SYNJ2: variants seen among roughly 807,000 people sequenced by gnomAD.
SYNJ2 encodes synaptojanin 2.
Under a neutral mutation model 141.3 loss-of-function variants are expected in SYNJ2, and 116 were observed. That is an observed-to-expected ratio of 0.82 (90% CI 0.71 to 0.96). The LOEUF is 0.96. SYNJ2 is among the 40% of genes least tolerant of loss of function. The pLI is 0.00. For synonymous variants in SYNJ2, 745 were observed against 777.7 expected (o/e 0.96, Z 0.70); for missense variants, 1,873 against 1,934.8 (o/e 0.97, Z 0.60).
At chr6:158,076,810 C>G (rs371005422) in intron 17 of SYNJ2, 28 bp downstream of exon 17, 1 of 1,586,884 alleles carries the variant, frequency 6.3e-7, no homozygotes, top group East Asian at 2.3e-5. Flanking sequence ...GTTCGAGAGT[C>G]GGCAGAGGGT....
chr6:158,066,686 C>A (rs1216888139), intron 12 of SYNJ2, 51 bp downstream of exon 12: 2 of 1,589,630 alleles, frequency 1.3e-6, no homozygotes, highest in African/African-American at 1.4e-5. Flanking sequence ...CCTAACCTGA[C>A]ATGTCACGCT....
intron 1 of SYNJ2, among the ~76,000 whole-genome samples, chr6:157,991,968 C>G (rs1234305906): frequency 5.9e-5 from 9 of 152,196 alleles, no homozygotes; most frequent in East Asian, 3.9e-4. Flanking sequence ...TTGTTAAAAG[C>G]CATGACTTTT....
intron 7 of SYNJ2, 157 bp downstream of exon 7, chr6:158,059,510 A>C (rs559360180): frequency 7.0e-7 from 1 of 1,427,122 alleles, no homozygotes; most frequent in East Asian, 2.6e-5. Flanking sequence ...TGAACACGGC[A>C]GTGCTCAGTG....
intron 20 of SYNJ2, 125 bp downstream of exon 20, chr6:158,081,635 TC>T (rs1178437637): frequency 0.02 from 3,784 of 193,908 alleles, 462 homozygotes; most frequent in Middle Eastern, 0.046. Context: ...TTTTTTTTTT[TC>T]TCTGAGACAA....
At chr6:158,064,796 C>T (rs375754015) in intron 10 of SYNJ2, 30 bp from the exon 11 acceptor site, 24 of 1,610,626 alleles carry the variant, frequency 1.5e-5, no homozygotes, top group African/African-American at 4.0e-5. Context: ...AGGGACCCCC[C>T]TCACGGCCTG....
intron 26 of SYNJ2, among the ~76,000 whole-genome samples, chr6:158,094,257 G>C (rs993828400): frequency 6.6e-6 from 1 of 151,784 alleles, no homozygotes; most frequent in Non-Finnish European, 1.5e-5. Flanking sequence ...ACTTAAAATG[G>C]GGTTACATCC....
intron 8 of SYNJ2, 116 bp downstream of exon 8, chr6:158,062,280 T>C (rs1781273594): frequency 2.7e-6 from 4 of 1,491,922 alleles, no homozygotes; most frequent in South Asian, 1.4e-5. Flanking sequence ...GGCCGTGCAG[T>C]CTAGGACATG....
At chr6:157,983,719 G>A (rs1777094481) in intron 1 of SYNJ2, among the ~76,000 whole-genome samples, 2 of 152,120 alleles carry the variant, frequency 1.3e-5, no homozygotes, top group Non-Finnish European at 2.9e-5. Flanking sequence ...CAGTATACCA[G>A]ATTTTAGAAC....
intron 4 of SYNJ2, among the ~76,000 whole-genome samples, chr6:158,039,856 C>T (rs919881154): frequency 1.3e-5 from 2 of 152,070 alleles, no homozygotes; most frequent in Admixed American, 6.5e-5. Flanking sequence ...TGGTGCCGCC[C>T]GCAGGTCACA....
Position 157,993,804 on chromosome 6 carries a change from T to G in SYNJ2, c.127+11716T>G, listed in dbSNP as rs1408081636. Among the ~76,000 whole-genome samples the G allele has an allele frequency of 4.3e-3, 146 of 34,056 alleles. 3 individuals carry two copies. Among genetic ancestry groups the G allele is most frequent in the African/African-American group, 0.036 (135 of 3,750 alleles). The allele number at this position is 34,056 out of a possible 152,430, so 22.3% of individuals were successfully genotyped here. Reference sequence around the variant, plus strand: ...GTGTCTGGAAATGTGTGGGTTTTTTTTTTTTTTTTTTTTTTTTTTTTTTTT... The same window carrying G: ...GTGTCTGGAAATGTGTGGGTTTTTTGTTTTTTTTTTTTTTTTTTTTTTTTT... On this transcript the variant is annotated intron_variant, in intron 1 of 26. Transcript: ENST00000355585.
rs748177084 is a variant in SYNJ2 at position 158,096,387 on chromosome 6, G to C, written c.*23G>C. 4.7e-5 allele frequency: 74 copies of C among 1,564,966 alleles called. No individual in the cohort carries two copies. The highest frequency in any genetic ancestry group is 5.9e-5 in the Non-Finnish European group (68 of 1,160,392). ...TGACTGAGCAGCTTTGAAGGCTGCA[G>C]TCCTATAGAATGCATACCTTCCTCC... is the stretch of plus-strand genomic sequence containing the variant. On this transcript the variant is annotated 3_prime_UTR_variant, in exon 27 of 27. Coordinates refer to ENST00000355585, the MANE Select transcript of SYNJ2 (RefSeq NM_003898.4).
intron 4 of SYNJ2, among the ~76,000 whole-genome samples, chr6:158,035,810 T>C (rs1440637812): frequency 1.3e-5 from 2 of 152,024 alleles, no homozygotes; most frequent in African/African-American, 4.8e-5. Context: ...AGTTTGAGGA[T>C]TGTGGATCTA....
rs116227330 is a variant in SYNJ2 at position 158,065,057 on chromosome 6, G to A, written c.1525+66G>A. On this transcript the variant is annotated intron_variant, in intron 11 of 26. Coordinates refer to ENST00000355585, the MANE Select transcript of SYNJ2 (RefSeq NM_003898.4). ...TGCTCCCCAGCCCCACTTTCCCACC[G>A]CCTCTGTGCTATCCAGAGAGCGGGT... is the stretch of plus-strand genomic sequence containing the variant. 5.7e-4 allele frequency: 827 copies of A among 1,460,448 alleles called. 4 individuals are homozygous for A. The African/African-American group carries it at 0.01, about 18-fold the overall frequency. The allele number at this position is 1,460,448 out of a possible 1,614,324, so 90.5% of individuals were successfully genotyped here.
At chr6:157,991,361 G>A (rs998621835) in intron 1 of SYNJ2, among the ~76,000 whole-genome samples, 5 of 152,146 alleles carry the variant, frequency 3.3e-5, no homozygotes, top group Admixed American at 1.3e-4. Context: ...GTTCTGCCTC[G>A]TTGGCTCTGG....
At chr6:158,065,034 C>T (rs201427404) in intron 11 of SYNJ2, 43 bp downstream of exon 11, 3 of 1,475,960 alleles carry the variant, frequency 2.0e-6, no homozygotes, top group Admixed American at 4.8e-5. Flanking sequence ...AGGTAGGGTG[C>T]TCCCCAGCCC....
rs1779482694 is a variant in SYNJ2, at chr6:158,033,540, A to G, written c.571A>G (p.Ile191Val). The G allele has an allele frequency of 6.2e-7, 1 of 1,614,186 alleles. No homozygotes were observed. The highest frequency in any genetic ancestry group is 8.5e-7 in the Non-Finnish European group (1 of 1,180,048). Reference sequence around the variant, plus strand: ...GAAGATCATCTGCGGGGTGGTCACCATCCGCACCGTGTATGCCTCCCACAA... The same window carrying G: ...GAAGATCATCTGCGGGGTGGTCACCGTCCGCACCGTGTATGCCTCCCACAA... ...LLKIICGVVT[I>V]RTVYASHKQA... is the part of the protein sequence containing the mutation. The change falls in exon 4 of 27, where the codon ATC (isoleucine) becomes GTC (valine). Residue 191 changes from isoleucine (I) to valine (V), a missense_variant. Transcript: ENST00000355585.
Position 157,999,264 on chromosome 6 carries a change from C to T in SYNJ2, c.127+17176C>T, listed in dbSNP as rs112046617. Among the ~76,000 whole-genome samples, 635 of 152,334 alleles carry T rather than the reference C, an allele frequency of 4.2e-3. 7 individuals carry two copies. The highest frequency in any genetic ancestry group is 0.014 in the African/African-American group (590 of 41,578). ...TTGGGTGGGTGAGGGCTGCTTGCCC[C>T]GTCTCCAGCCCCACTCTCTTGCCAT... On this transcript the variant is annotated intron_variant, in intron 1 of 26. Coordinates refer to ENST00000355585, the MANE Select transcript of SYNJ2 (RefSeq NM_003898.4).
In SYNJ2 at chr6:158,070,532, G is replaced by A. The variant is rs533345292; in HGVS notation, c.1940+859G>A. 1.1e-5 allele frequency: 11 copies of A among 984,404 alleles called. No homozygotes were observed. Among genetic ancestry groups the A allele is most frequent in the African/African-American group, 1.7e-5 (1 of 57,298 alleles). The allele number at this position is 984,404 out of a possible 1,614,324, so 61.0% of individuals were successfully genotyped here. Reference sequence around the variant, plus strand: ...GTTAGTAAAGGTTAAAGGCAAGGGCGGGGTGAGGGTGAGAGGTAAAGCATT... The same window carrying A: ...GTTAGTAAAGGTTAAAGGCAAGGGCAGGGTGAGGGTGAGAGGTAAAGCATT... On this transcript the variant is annotated intron_variant, in intron 14 of 26. Coordinates refer to ENST00000355585, the MANE Select transcript of SYNJ2 (RefSeq NM_003898.4). This position sits in a 1 kb window ranked among gnomAD's most constrained non-coding sequence, Gnocchi z 4.0.
intron 2 of SYNJ2, chr6:158,028,515 C>T (rs531627180): frequency 3.5e-6 from 2 of 566,550 alleles, no homozygotes; most frequent in East Asian, 3.0e-5. Context: ...GCATGTCTAA[C>T]AGGCTCCCAG....
Sources: gnomAD v4.1 joint callset for allele counts (sites outside exome capture counted in the v4.1 genomes callset) on GRCh38, gnomAD v4.1.1 for gene constraint, Gnocchi (gnomAD v3.1) non-coding constraint, MANE v1.5 for transcripts, NCBI Gene and HGNC (gene_info 2026-07-23, HGNC 2026-07-21) for gene names.